FHIT: variants seen among roughly 807,000 people sequenced by gnomAD.
FHIT encodes fragile histidine triad diadenosine triphosphatase.
A neutral mutation model predicts 17.9 loss-of-function variants in FHIT; 19 were observed. That is an observed-to-expected ratio of 1.06 (90% CI 0.74 to 1.56). The LOEUF (loss-of-function observed/expected upper bound fraction) is 1.56, where lower values mean the gene tolerates loss of function less well. FHIT is among the 40% of genes most tolerant of loss of function. FHIT has a pLI of 0.00. For synonymous variants in FHIT, 81 were observed against 69.7 expected, an observed-to-expected ratio of 1.16 and a Z score of -0.81; for missense variants, 248 against 189.2, an observed-to-expected ratio of 1.31 and a Z score of -1.82.
chr3:60,627,579 A>G (rs1419323213), intron 4 of FHIT, among the ~76,000 whole-genome samples: 3 of 152,112 alleles, frequency 2.0e-5, no homozygotes, highest in African/African-American at 7.2e-5. Flanking sequence ...GCTGGAGTGC[A>G]GTGGCGGGAT....
intron 5 of FHIT, among the ~76,000 whole-genome samples, chr3:60,480,649 T>C (rs777059580): frequency 2.9e-4 from 44 of 152,170 alleles, no homozygotes; most frequent in Non-Finnish European, 5.4e-4. Flanking sequence ...CGAAACCCAG[T>C]GAGGCAGTCA....
At chr3:60,191,499 C>T (rs939425341) in intron 5 of FHIT, among the ~76,000 whole-genome samples, 13 of 152,126 alleles carry the variant, frequency 8.5e-5, no homozygotes, top group African/African-American at 3.1e-4. Flanking sequence ...GTACATTGCT[C>T]ACATACAAAA....
At chr3:60,993,558 C>A (rs1231708389) in intron 3 of FHIT, among the ~76,000 whole-genome samples, 1 of 152,132 alleles carries the variant, frequency 6.6e-6, no homozygotes, top group Non-Finnish European at 1.5e-5. Flanking sequence ...CTCAGGCTTG[C>A]AAGGCAATAC....
intron 8 of FHIT, among the ~76,000 whole-genome samples, chr3:59,836,241 AC>A (rs1701335747): frequency 6.6e-6 from 1 of 152,154 alleles, no homozygotes; most frequent in Non-Finnish European, 1.5e-5. Flanking sequence ...TCAAAATTTC[AC>A]AGGTTGAGCT....
chr3:60,384,602 G>A (rs1291396507), intron 5 of FHIT, among the ~76,000 whole-genome samples: 1 of 152,040 alleles, frequency 6.6e-6, no homozygotes, highest in African/African-American at 2.4e-5. Context: ...GGTCAGTCAT[G>A]GACATAAACA....
chr3:60,929,565 A>G (rs1270519619), intron 3 of FHIT, among the ~76,000 whole-genome samples: 1 of 150,764 alleles, frequency 6.6e-6, no homozygotes, highest in East Asian at 1.9e-4. Context: ...TTATATACCA[A>G]TAAAAGACAA....
rs368625058 is a variant in FHIT at position 60,160,957 on chromosome 3, A to G, written c.104-146805T>C. On this transcript the variant is annotated intron_variant, in intron 5 of 9. Transcript: ENST00000492590. The stretch of plus-strand genomic sequence containing the variant: ...TTTAACTTTATCCCAGACAAAGCAA[A>G]AAAAAAAGACGATTATGCAATCCAT... 5.3e-5 allele frequency among the ~76,000 whole-genome samples: 8 copies of G among 152,294 alleles called. No individual in the cohort carries two copies. The East Asian group carries it at 1.3e-3, about 26-fold the overall frequency.
intron 8 of FHIT, among the ~76,000 whole-genome samples, chr3:59,765,555 G>C (rs1485914060): frequency 6.6e-6 from 1 of 152,208 alleles, no homozygotes; most frequent in Non-Finnish European, 1.5e-5. Flanking sequence ...TACTCAGACA[G>C]TCTGATCCTT....
At chr3:60,439,484 C>T (rs1426831287) in intron 5 of FHIT, among the ~76,000 whole-genome samples, 1 of 152,046 alleles carries the variant, frequency 6.6e-6, no homozygotes, top group Non-Finnish European at 1.5e-5. Context: ...ACCCCGGTTA[C>T]CCACTTCAGA....
At chr3:60,034,272 C>T (rs534009948) in intron 5 of FHIT, among the ~76,000 whole-genome samples, 1 of 152,308 alleles carries the variant, frequency 6.6e-6, no homozygotes, top group East Asian at 1.9e-4. Context: ...ACATGTCATT[C>T]AGATGAATTG....
intron 4 of FHIT, among the ~76,000 whole-genome samples, chr3:60,774,899 T>C (rs1271833809): frequency 5.9e-5 from 9 of 152,170 alleles, no homozygotes; most frequent in Non-Finnish European, 1.3e-4. Context: ...TTTTAAAACT[T>C]ACAAATTGCT....
chr3:60,422,319 G>A (rs1196172106), intron 5 of FHIT, among the ~76,000 whole-genome samples: 1 of 152,114 alleles, frequency 6.6e-6, no homozygotes, highest in African/African-American at 2.4e-5. Context: ...TTGTGCAAAA[G>A]AATCAGTTGT....
intron 4 of FHIT, among the ~76,000 whole-genome samples, chr3:60,672,309 A>C (rs2040525229): frequency 6.6e-6 from 1 of 150,930 alleles, no homozygotes; most frequent in Non-Finnish European, 1.5e-5. Context: ...AGAGTTAGCG[A>C]AGGGAGATAA....
intron 5 of FHIT, among the ~76,000 whole-genome samples, chr3:60,090,278 T>C (rs1449299982): frequency 6.6e-6 from 1 of 152,180 alleles, no homozygotes; most frequent in Non-Finnish European, 1.5e-5. Context: ...CACAATTTGT[T>C]TCCTGCAAAA....
chr3:60,398,238 C>A (rs994194087), intron 5 of FHIT, among the ~76,000 whole-genome samples: 2 of 152,120 alleles, frequency 1.3e-5, no homozygotes, highest in African/African-American at 4.8e-5. Flanking sequence ...GAATGGGAAG[C>A]TGTGGTTATC....
chr3:60,910,583 T>G (rs1239477342), intron 3 of FHIT, among the ~76,000 whole-genome samples: 1 of 152,034 alleles, frequency 6.6e-6, no homozygotes, highest in African/African-American at 2.4e-5. Context: ...GGCTAATTTT[T>G]TGTATTTTTT....
intron 2 of FHIT, among the ~76,000 whole-genome samples, chr3:61,091,259 T>G (rs2035472014): frequency 6.6e-6 from 1 of 152,176 alleles, no homozygotes. Context: ...TTTTGGTACA[T>G]CCTCCCTACA....
intron 4 of FHIT, among the ~76,000 whole-genome samples, chr3:60,660,892 T>G (rs2040232709): frequency 6.6e-6 from 1 of 151,802 alleles, no homozygotes; most frequent in African/African-American, 2.4e-5. Flanking sequence ...ATATGTGGTT[T>G]GCAGATATTT....
In FHIT at chr3:59,759,895, C is replaced by T. The variant is rs148086565; in HGVS notation, c.349-7574G>A. Among the ~76,000 whole-genome samples, 3 of 152,284 alleles carry T rather than the reference C, an allele frequency of 2.0e-5. No individual in the cohort carries two copies. In the East Asian group the frequency reaches 5.8e-4, roughly 29 times the overall value. On this transcript the variant is annotated intron_variant, in intron 8 of 9. Transcript: ENST00000492590. ...CTGCCACTTGTGATACCTTAGAACG[C>T]TGAAGTTCTTTGAATATTACTTAGT... is the stretch of plus-strand genomic sequence containing the variant.
Sources: allele counts gnomAD v4.1 joint callset (sites outside exome capture counted in the v4.1 genomes callset), GRCh38; gene constraint gnomAD v4.1.1; transcripts MANE v1.5; gene names NCBI Gene and HGNC (gene_info 2026-07-23, HGNC 2026-07-21).